TRAPPC9: variants seen among roughly 807,000 people sequenced by gnomAD.
The protein encoded by TRAPPC9 is IKK2 binding protein.
A neutral mutation model predicts 124.0 loss-of-function variants in TRAPPC9; 83 were observed. The ratio of observed to expected loss-of-function variants is 0.67; its 90% confidence interval spans 0.56 to 0.80. TRAPPC9 has a LOEUF of 0.80. TRAPPC9 is among the 30% of genes least tolerant of loss of function. The pLI is 0.00. For synonymous variants in TRAPPC9, 638 were observed against 617.5 expected, an observed-to-expected ratio of 1.03 and a Z score of -0.49; for missense variants, 1,302 against 1,508.3, an observed-to-expected ratio of 0.86 and a Z score of 2.27.
chr8:140,047,396 C>T (rs1431163538), intron 17 of TRAPPC9, among the ~76,000 whole-genome samples: 2 of 152,224 alleles, frequency 1.3e-5, no homozygotes, highest in Non-Finnish European at 1.5e-5. Flanking sequence ...GTATGGAAGT[C>T]GTTCTCTGCG....
chr8:140,080,557 A>C (rs117380616), intron 17 of TRAPPC9, among the ~76,000 whole-genome samples: 1 of 152,188 alleles, frequency 6.6e-6, no homozygotes, highest in Non-Finnish European at 1.5e-5. Context: ...GTCTTGCTTT[A>C]TAACAACCCA....
rs2129657404 is a variant in TRAPPC9 at position 140,063,738 on chromosome 8, G to GT, written c.2557-39660dup. ...TTCTGCTTTTGAGGAATTGCTCTGTGTTTCCTTAAGAGCGGGACTTGCGGG... is the reference window on the plus strand; with the variant it reads ...TTCTGCTTTTGAGGAATTGCTCTGTGTTTTCCTTAAGAGCGGGACTTGCGGG... On this transcript the variant is annotated intron_variant, in intron 17 of 22. Transcript: ENST00000438773. The surrounding 1 kb of genome is among the most constrained non-coding windows in gnomAD (Gnocchi z 4.3). Among the ~76,000 whole-genome samples, 1 of 152,324 alleles carries GT rather than the reference G, an allele frequency of 6.6e-6. No individual in the cohort carries two copies. Among genetic ancestry groups the GT allele is most frequent in the African/African-American group, 2.4e-5 (1 of 41,576 alleles).
intron 12 of TRAPPC9, among the ~76,000 whole-genome samples, chr8:140,289,513 A>G (rs993886958): frequency 6.6e-6 from 1 of 152,344 alleles, no homozygotes; most frequent in Non-Finnish European, 1.5e-5. Flanking sequence ...TATTCCCTGT[A>G]ACATTTCATA....
rs116758479 is a variant in TRAPPC9, at chr8:140,244,539, G to A, written c.2431+8238C>T. The stretch of plus-strand genomic sequence containing the variant: ...AAGCAGGTGATGCTTTCATCCCACC[G>A]TCAAGAAACGGCAACCCAAAGGCAG... On this transcript the variant is annotated intron_variant, in intron 16 of 22. Transcript: ENST00000438773. 4.2e-3 allele frequency among the ~76,000 whole-genome samples: 635 copies of A among 152,232 alleles called. 3 individuals are homozygous for A. The highest frequency in any genetic ancestry group is 0.014 in the African/African-American group (562 of 41,550).
intron 17 of TRAPPC9, among the ~76,000 whole-genome samples, chr8:140,168,844 T>C (rs889274510): frequency 1.2e-4 from 19 of 152,362 alleles, no homozygotes; most frequent in Admixed American, 2.6e-4. Flanking sequence ...AGATCTTTTA[T>C]GCATTGAATA....
At chr8:140,187,725 A>G (rs2062384133) in intron 17 of TRAPPC9, among the ~76,000 whole-genome samples, 1 of 152,076 alleles carries the variant, frequency 6.6e-6, no homozygotes. Flanking sequence ...CCCAGGCTGG[A>G]GTACAGTGGC....
intron 17 of TRAPPC9, among the ~76,000 whole-genome samples, chr8:140,033,688 T>TTTTTTTTTTTTTTTG (rs1563707043): frequency 2.6e-5 from 3 of 115,112 alleles, no homozygotes; most frequent in Non-Finnish European, 3.4e-5. Context: ...TTTTTTTTTT[T>TTTTTTTTTTTTTTTG]TTTTTTTTTT....
At chr8:140,226,412 T>C (rs1260774758) in intron 16 of TRAPPC9, among the ~76,000 whole-genome samples, 2 of 151,654 alleles carry the variant, frequency 1.3e-5, no homozygotes, top group African/African-American at 4.8e-5. Flanking sequence ...GGCAACATGG[T>C]GAAACCCCAT....
At chr8:139,954,479 C>G (rs773824715) in intron 19 of TRAPPC9, among the ~76,000 whole-genome samples, 3 of 152,180 alleles carry the variant, frequency 2.0e-5, no homozygotes, top group East Asian at 1.9e-4. Context: ...AGATGCCAGA[C>G]AGCTTGCCTC....
At chr8:139,771,904 G>A (rs962550128) in intron 21 of TRAPPC9, among the ~76,000 whole-genome samples, 9 of 152,290 alleles carry the variant, frequency 5.9e-5, no homozygotes, top group African/African-American at 1.9e-4. Context: ...CTGGCTTGCC[G>A]AGAGAGGGAA....
chr8:140,334,317 C>T (rs2066976287), intron 9 of TRAPPC9, among the ~76,000 whole-genome samples: 1 of 152,116 alleles, frequency 6.6e-6, no homozygotes, highest in South Asian at 2.1e-4. Context: ...TCAATTGATA[C>T]ATTTTAGGAA....
chr8:140,397,466 C>T (rs1036767606), intron 7 of TRAPPC9, among the ~76,000 whole-genome samples, 154 bp downstream of exon 7: 1 of 152,174 alleles, frequency 6.6e-6, no homozygotes, highest in African/African-American at 2.4e-5. Flanking sequence ...GTAAAATATA[C>T]AAATAACCAT....
chr8:139,916,084 T>C (rs150669383), intron 19 of TRAPPC9, among the ~76,000 whole-genome samples: 28 of 152,340 alleles, frequency 1.8e-4, no homozygotes, highest in Non-Finnish European at 3.8e-4. Context: ...GCAATTACTT[T>C]TGTACAGGCC....
intron 19 of TRAPPC9, among the ~76,000 whole-genome samples, chr8:139,917,172 T>TTC: frequency 7.5e-6 from 1 of 133,890 alleles, no homozygotes; most frequent in African/African-American, 3.0e-5. Flanking sequence ...ATTTTCTTTT[T>TTC]TTTTTTTTTT....
At chr8:140,019,387 T>C (rs1348588865) in intron 18 of TRAPPC9, among the ~76,000 whole-genome samples, 1 of 152,142 alleles carries the variant, frequency 6.6e-6, no homozygotes, top group African/African-American at 2.4e-5. Context: ...ATTATTTCTT[T>C]CTTTAAAAAG....
chr8:139,840,110 C>T lies in TRAPPC9; in HGVS notation c.3055+45769G>A, dbSNP rs1028255114. On this transcript the variant is annotated intron_variant, in intron 21 of 22. Transcript: ENST00000438773. Reference sequence around the variant, plus strand: ...CCCCTGGACTGTGCAGTCCATCCCACGGCCTGGCAGAGCAGGCCCAGGAGA... The same window carrying T: ...CCCCTGGACTGTGCAGTCCATCCCATGGCCTGGCAGAGCAGGCCCAGGAGA... 3.9e-5 allele frequency among the ~76,000 whole-genome samples: 6 copies of T among 152,246 alleles called. No individual in the cohort carries two copies. The East Asian group carries it at 5.8e-4, about 15-fold the overall frequency.
chr8:140,444,249 A>C (rs1052579510), intron 2 of TRAPPC9, among the ~76,000 whole-genome samples: 23 of 151,248 alleles, frequency 1.5e-4, no homozygotes, highest in African/African-American at 5.3e-4. Context: ...CCTCAATAGT[A>C]ACTACAATGT....
At position 139,937,724 on chromosome 8, in the gene TRAPPC9, C is replaced by T. The variant is rs35630152; in HGVS notation, c.2811-27424G>A. ...GCAGTGAATGAAAACACTTGGAAGGCGCAGTGTGAAGCGGAAATGCGGACG... is the reference window on the plus strand; with the variant it reads ...GCAGTGAATGAAAACACTTGGAAGGTGCAGTGTGAAGCGGAAATGCGGACG... On this transcript the variant is annotated intron_variant, in intron 19 of 22. Coordinates refer to ENST00000438773, the MANE Select transcript of TRAPPC9 (RefSeq NM_001160372.4). Among the ~76,000 whole-genome samples, 1,016 of 152,266 alleles carry T rather than the reference C, an allele frequency of 6.7e-3. 8 individuals are homozygous for T. The highest frequency in any genetic ancestry group is 0.015 in the South Asian group (70 of 4,822).
intron 22 of TRAPPC9, 78 bp downstream of exon 22, chr8:139,731,901 A>G: frequency 1.4e-6 from 2 of 1,379,836 alleles, no homozygotes; most frequent in Non-Finnish European, 2.0e-6. Context: ...GCTGACCCCA[A>G]AGCCCACCAC....
Sources: gnomAD v4.1 joint callset for allele counts (sites outside exome capture counted in the v4.1 genomes callset) on GRCh38, gnomAD v4.1.1 for gene constraint, Gnocchi (gnomAD v3.1) non-coding constraint, MANE v1.5 for transcripts, NCBI Gene and HGNC (gene_info 2026-07-23, HGNC 2026-07-21) for gene names.